The following NREP variants were observed in gnomAD, a reference collection of about 807,000 sequenced individuals.
NREP encodes neuronal regeneration related protein.
A neutral mutation model predicts 8.6 loss-of-function variants in NREP; 5 were observed. The observed-to-expected ratio is 0.58, with a 90% CI of 0.30 to 1.22. NREP has a LOEUF of 1.22. Ranked by LOEUF, NREP falls within the 50% of genes most tolerant of loss-of-function variation. NREP has a pLI of 0.07. For synonymous variants in NREP, 27 were observed against 28.0 expected, an observed-to-expected ratio of 0.96 and a Z score of 0.11; for missense variants, 86 against 82.5, an observed-to-expected ratio of 1.04 and a Z score of -0.17.
intron 2 of NREP, among the ~76,000 whole-genome samples, chr5:111,767,168 A>G (rs894089076): frequency 6.6e-6 from 1 of 152,348 alleles, no homozygotes; most frequent in Non-Finnish European, 1.5e-5. Context: ...TAGAATATGA[A>G]GGAAGATTTT....
intron 2 of NREP, among the ~76,000 whole-genome samples, chr5:111,869,726 G>A (rs1753746616): frequency 6.6e-6 from 1 of 152,166 alleles, no homozygotes; most frequent in African/African-American, 2.4e-5. Flanking sequence ...GCATTATGGA[G>A]TAAAGAATGA....
In NREP at chr5:111,745,828, A is replaced by G. The variant is rs561773254; in HGVS notation, c.3+9942T>C. 2.0e-5 allele frequency among the ~76,000 whole-genome samples: 3 copies of G among 152,334 alleles called. No homozygotes were observed. The South Asian group carries it at 6.2e-4, about 32-fold the overall frequency. On this transcript the variant is annotated intron_variant, in intron 2 of 3. Coordinates refer to ENST00000257435, the MANE Select transcript of NREP (RefSeq NM_004772.4). ...ATAAACTACTAAGAATGATAAATTCAGGAAGAAAAATAAATTTAACCAGAC... is the reference window on the plus strand; with the variant it reads ...ATAAACTACTAAGAATGATAAATTCGGGAAGAAAAATAAATTTAACCAGAC...
chr5:111,859,041 G>A (rs563394985), intron 2 of NREP, among the ~76,000 whole-genome samples: 52 of 152,114 alleles, frequency 3.4e-4, no homozygotes, highest in Non-Finnish European at 4.9e-4. Flanking sequence ...GCACTGCACA[G>A]GGGTAGATCC....
intron 2 of NREP, among the ~76,000 whole-genome samples, chr5:111,936,895 T>C (rs112560614): frequency 2.3e-4 from 35 of 152,244 alleles, no homozygotes; most frequent in African/African-American, 2.2e-4. Context: ...GCTATTTTCA[T>C]GCGCAAGAAC....
chr5:111,792,639 A>C (rs1247795092), intron 2 of NREP, among the ~76,000 whole-genome samples: 1 of 152,232 alleles, frequency 6.6e-6, no homozygotes, highest in Non-Finnish European at 1.5e-5. Context: ...CATACTTTCA[A>C]AAAGAAAAAT....
chr5:111,939,686 C>T (rs1028491313), intron 2 of NREP, among the ~76,000 whole-genome samples: 53 of 151,940 alleles, frequency 3.5e-4, no homozygotes, highest in African/African-American at 1.2e-3. Flanking sequence ...TTTAGTACCA[C>T]GTTATTTGAA....
At chr5:111,882,242 G>T (rs1374164598) in intron 2 of NREP, among the ~76,000 whole-genome samples, 1 of 152,140 alleles carries the variant, frequency 6.6e-6, no homozygotes, top group Non-Finnish European at 1.5e-5. Flanking sequence ...GATGGAAGAT[G>T]AAATGAATGA....
intron 2 of NREP, among the ~76,000 whole-genome samples, chr5:111,853,482 G>T (rs1485967737): frequency 6.6e-6 from 1 of 150,924 alleles, no homozygotes; most frequent in Non-Finnish European, 1.5e-5. Context: ...GCTTTGGGAG[G>T]GGGGAGGGTT....
At chr5:111,816,882 A>G (rs1033998117) in intron 2 of NREP, among the ~76,000 whole-genome samples, 3 of 151,942 alleles carry the variant, frequency 2.0e-5, no homozygotes, top group African/African-American at 4.8e-5. Flanking sequence ...ATTTGAAAGT[A>G]AAAGGATGGA....
rs76022925 is a variant in NREP, at chr5:111,919,987, C to A, written c.135+55287G>T. ...ATAAAAAGAATACCCCCCCCCCCCA[C>A]ACACACAAAGAAGTCATATGCATGC... On this transcript the variant is annotated intron_variant, in intron 2 of 3. Transcript: ENST00000395634. Among the ~76,000 whole-genome samples the A allele has an allele frequency of 3.5e-5, 4 of 114,682 alleles. No homozygotes were observed. In the Admixed American group the frequency reaches 3.7e-4, roughly 11 times the overall value. The allele number at this position is 114,682 out of a possible 152,430, so 75.2% of individuals were successfully genotyped here.
intron 2 of NREP, among the ~76,000 whole-genome samples, chr5:111,938,896 CAT>C (rs2112612354): frequency 1.3e-5 from 2 of 152,136 alleles, no homozygotes; most frequent in East Asian, 3.9e-4. Flanking sequence ...TTGTAACAAA[CAT>C]AAAGTAGTTT....
At chr5:111,749,575 A>G (rs1034360100) in intron 2 of NREP, among the ~76,000 whole-genome samples, 1 of 152,210 alleles carries the variant, frequency 6.6e-6, no homozygotes, top group East Asian at 1.9e-4. Context: ...TTGTGATGAC[A>G]TAAGCGTTGG....
chr5:111,882,487 A>G (rs1754108745), intron 2 of NREP, among the ~76,000 whole-genome samples: 1 of 152,194 alleles, frequency 6.6e-6, no homozygotes, highest in African/African-American at 2.4e-5. Flanking sequence ...GAACGCAACA[A>G]AGATACTCCT....
intron 2 of NREP, among the ~76,000 whole-genome samples, chr5:111,801,478 A>G (rs1437824960): frequency 2.0e-5 from 3 of 152,248 alleles, no homozygotes; most frequent in African/African-American, 7.2e-5. Flanking sequence ...AGATGGTGAC[A>G]TAGAAAAAAG....
At chr5:111,809,341 T>C (rs550562849) in intron 2 of NREP, among the ~76,000 whole-genome samples, 5 of 152,338 alleles carry the variant, frequency 3.3e-5, no homozygotes, top group East Asian at 3.9e-4. Flanking sequence ...GTTTTGACCA[T>C]AGTCTCCCTT....
rs1246754483 is a variant in NREP at position 111,729,913 on chromosome 5, G to GTGTT, written c.*1004_*1007dup. 6.6e-6 allele frequency: 1 copy of GTGTT among 152,586 alleles called. No individual in the cohort carries two copies. Among genetic ancestry groups the GTGTT allele is most frequent in the Non-Finnish European group, 1.5e-5 (1 of 68,026 alleles). The allele number at this position is 152,586 out of a possible 1,614,324, so 9.5% of individuals were successfully genotyped here. A position where few individuals can be genotyped will look rare whatever the true frequency, so the allele number is the denominator to read the frequency against. ...TTTTCATATTCCCACTCAGATGCCA[G>GTGTT]TGTTTTGGGTTTTTTTCCAGGGGGA... On this transcript the variant is annotated 3_prime_UTR_variant, in exon 4 of 4. Transcript: ENST00000257435.
chr5:111,731,649 C>T, intron 3 of NREP: 1 of 152,298 alleles, frequency 6.6e-6, no homozygotes, highest in Non-Finnish European at 1.5e-5. Context: ...AGACAGCGGT[C>T]ATAGGAAAGT....
chr5:111,827,864 A>G (rs904399377), intron 2 of NREP, among the ~76,000 whole-genome samples: 3 of 152,064 alleles, frequency 2.0e-5, no homozygotes, highest in African/African-American at 7.2e-5. Context: ...GAAAACAAAC[A>G]AAAAACAACA....
intron 2 of NREP, among the ~76,000 whole-genome samples, chr5:111,740,778 A>G (rs941266517): frequency 2.0e-5 from 3 of 152,226 alleles, no homozygotes; most frequent in Non-Finnish European, 4.4e-5. Flanking sequence ...GAATCAATCT[A>G]AAAGTTCTCG....
Sources: allele counts gnomAD v4.1 joint callset (sites outside exome capture counted in the v4.1 genomes callset), GRCh38; gene constraint gnomAD v4.1.1; transcripts MANE v1.5; gene names NCBI Gene and HGNC (gene_info 2026-07-23, HGNC 2026-07-21).